The following MMD variants were observed in gnomAD, a reference collection of about 807,000 sequenced individuals.
MMD encodes the protein monocyte to macrophage differentiation associated, also known as monocyte to macrophage differentiation factor.
In MMD, 22 loss-of-function variants were observed where a neutral mutation model predicts 33.6. That is an observed-to-expected ratio of 0.66 (90% CI 0.47 to 0.94). The LOEUF (loss-of-function observed/expected upper bound fraction) is 0.94, where lower values mean the gene tolerates loss of function less well. Among genes scored for constraint, MMD ranks in the 40% least tolerant of loss-of-function variants. The probability of loss-of-function intolerance (pLI) is 0.00; values close to 1 mark genes in which losing one functional copy is unlikely to be tolerated. For missense variants in MMD, 242 were observed against 309.8 expected (o/e 0.78, Z 1.64); for synonymous variants, 97 against 103.2 (o/e 0.94, Z 0.36).
chr17:55,402,043 C>T (rs1356402328), intron 5 of MMD, among the ~76,000 whole-genome samples: 1 of 144,876 alleles, frequency 6.9e-6, no homozygotes, highest in Non-Finnish European at 1.5e-5. Context: ...GAGATCGCAC[C>T]ACTGCACTCC....
At chr17:55,411,226 A>G (rs1456625810) in intron 3 of MMD, 31 bp downstream of exon 3, 3 of 1,595,372 alleles carry the variant, frequency 1.9e-6, no homozygotes, top group African/African-American at 2.7e-5. Context: ...AACTATTTGG[A>G]TCTGTTGAAA....
In MMD at chr17:55,408,869, C is replaced by T. The variant is rs752794831; in HGVS notation, c.270-1049G>A. Among the ~76,000 whole-genome samples, 7 of 152,116 alleles carry T rather than the reference C, an allele frequency of 4.6e-5. No homozygotes were observed. In the East Asian group the frequency reaches 1.2e-3, roughly 25 times the overall value. On this transcript the variant is annotated intron_variant, in intron 3 of 6. Transcript: ENST00000262065. ...TACAAAAATTAGCCAGGTGTGGTGGCGCACGCCTGTAGTCCAAGCTACTCG... is the reference window on the plus strand; with the variant it reads ...TACAAAAATTAGCCAGGTGTGGTGGTGCACGCCTGTAGTCCAAGCTACTCG...
intron 1 of MMD, among the ~76,000 whole-genome samples, chr17:55,418,498 C>T (rs1003519551): frequency 2.0e-5 from 3 of 152,218 alleles, no homozygotes; most frequent in East Asian, 3.8e-4. Context: ...ACCAAGAGAA[C>T]CCCGAATCTC....
Position 55,407,832 on chromosome 17 carries a change from GA to G in MMD, c.270-13del, listed in dbSNP as rs375194345. 101 of 1,531,380 alleles carry G rather than the reference GA, an allele frequency of 6.6e-5. No homozygotes were observed. The highest frequency in any genetic ancestry group is 3.1e-4 in the African/African-American group (22 of 70,318). The allele number at this position is 1,531,380 out of a possible 1,614,324, so 94.9% of individuals were successfully genotyped here. A position where few individuals can be genotyped will look rare whatever the true frequency, so the allele number is the denominator to read the frequency against. On this transcript the variant is annotated splice_polypyrimidine_tract_variant and intron_variant, in intron 3 of 6. Coordinates refer to ENST00000262065, the MANE Select transcript of MMD (RefSeq NM_012329.3). ...AATGCTCCACTGTCCTAGCGAGGGG[GA>G]AAAAAAAGTAAATTTGTCAGAAAGT...
In MMD at chr17:55,393,076, CAA is replaced by C. The variant is rs1030207672; in HGVS notation, c.*1256_*1257del. ...CCTATTTCATTTATTAAAACACCAA[CAA>C]GAGAGATTAATCAACAAAGCAACTA... On this transcript the variant is annotated 3_prime_UTR_variant, in exon 7 of 7. Coordinates refer to ENST00000262065, the MANE Select transcript of MMD (RefSeq NM_012329.3). 1.3e-5 allele frequency: 2 copies of C among 151,978 alleles called. No homozygotes were observed. Among genetic ancestry groups the C allele is most frequent in the Admixed American group, 6.6e-5 (1 of 15,252 alleles). The allele number at this position is 151,978 out of a possible 1,614,324, so 9.4% of individuals were successfully genotyped here.
chr17:55,396,844 T>C (rs568656000), intron 6 of MMD, among the ~76,000 whole-genome samples: 10 of 152,210 alleles, frequency 6.6e-5, no homozygotes, highest in Non-Finnish European at 1.0e-4. Context: ...CTCGAACTCC[T>C]GACCTCGTGA....
rs111521494 is a variant in MMD at position 55,395,880 on chromosome 17, G to C, written c.517-1346C>G. 6.3e-4 allele frequency among the ~76,000 whole-genome samples: 96 copies of C among 152,274 alleles called. 1 individual carries two copies. Among genetic ancestry groups the C allele is most frequent in the Middle Eastern group, 3.4e-3 (1 of 294 alleles). ...ATTAGGAGCCCTCTTCTAGGATAGG[G>C]GTAAGGCTCTCATCAGATTCGCAAA... On this transcript the variant is annotated intron_variant, in intron 6 of 6. Coordinates refer to ENST00000262065, the MANE Select transcript of MMD (RefSeq NM_012329.3).
chr17:55,408,750 C>T (rs995780723), intron 3 of MMD, among the ~76,000 whole-genome samples: 7 of 152,212 alleles, frequency 4.6e-5, no homozygotes, highest in African/African-American at 1.7e-4. Context: ...GCAATAATCA[C>T]AGCACTTTGG....
At chr17:55,406,605 G>A (rs895762788) in intron 4 of MMD, among the ~76,000 whole-genome samples, 4 of 152,040 alleles carry the variant, frequency 2.6e-5, no homozygotes, top group South Asian at 4.1e-4. Context: ...AAATGGCCAA[G>A]CATGGTGGCT....
chr17:55,403,973 G>A, intron 4 of MMD, 105 bp from the exon 5 acceptor site: 1 of 875,766 alleles, frequency 1.1e-6, no homozygotes, highest in Non-Finnish European at 1.8e-6. Context: ...AGAGCAGGAA[G>A]AAAACACACT....
At chr17:55,395,200 A>T (rs1567844758) in intron 6 of MMD, among the ~76,000 whole-genome samples, 1 of 152,226 alleles carries the variant, frequency 6.6e-6, no homozygotes, top group Non-Finnish European at 1.5e-5. Flanking sequence ...TGTGTGTCTT[A>T]GGGCAGAAGG....
At chr17:55,399,528 T>G (rs1907247142) in intron 6 of MMD, among the ~76,000 whole-genome samples, 1 of 152,202 alleles carries the variant, frequency 6.6e-6, no homozygotes, top group Admixed American at 6.5e-5. Flanking sequence ...CTATTTTCAT[T>G]TCTCCAAAGA....
intron 1 of MMD, among the ~76,000 whole-genome samples, chr17:55,418,651 T>C (rs1908062715): frequency 6.6e-6 from 1 of 152,226 alleles, no homozygotes. Flanking sequence ...AGGAAAAGTG[T>C]CTACTGTCAA....
chr17:55,394,442 A>T lies in MMD; in HGVS notation c.609T>A (p.Phe203Leu), dbSNP rs762193716. 6.5e-7 allele frequency: 1 copy of T among 1,537,646 alleles called. No individual in the cohort carries two copies. Among genetic ancestry groups the T allele is most frequent in the Non-Finnish European group, 8.7e-7 (1 of 1,147,622 alleles). The change falls in exon 7 of 7, where the codon TTT becomes TTA. Residue 203 changes from phenylalanine (F) to leucine (L), a missense_variant. Phe to Leu is a conservative substitution (Grantham distance 22). Transcript: ENST00000262065. Reference protein sequence around the residue: ...VFFKSDGIIPFAHAIWHLFVA... With the variant: ...VFFKSDGIIPLAHAIWHLFVA... ...CAAACAGGTGCCAGATGGCGTGGGC[A>T]AATGGAATGATGCCATCACTCTTGA...
intron 6 of MMD, among the ~76,000 whole-genome samples, chr17:55,396,140 T>C (rs559024780): frequency 2.6e-5 from 4 of 152,184 alleles, no homozygotes; most frequent in Non-Finnish European, 4.4e-5. Flanking sequence ...AGATACCACA[T>C]TTACCTCAAC....
intron 1 of MMD, among the ~76,000 whole-genome samples, chr17:55,419,785 G>A (rs940713563): frequency 2.6e-5 from 4 of 152,098 alleles, no homozygotes; most frequent in Non-Finnish European, 5.9e-5. Context: ...GAAAATCAGG[G>A]TAGATCTAGA....
chr17:55,411,235 A>T (rs1693171020), intron 3 of MMD, 22 bp downstream of exon 3: 1 of 1,603,578 alleles, frequency 6.2e-7, no homozygotes, highest in African/African-American at 1.3e-5. Context: ...GATCTGTTGA[A>T]ACAGCATGTC....
At chr17:55,398,824 C>T (rs1214786259) in intron 6 of MMD, among the ~76,000 whole-genome samples, 3 of 152,180 alleles carry the variant, frequency 2.0e-5, no homozygotes, top group Non-Finnish European at 2.9e-5. Context: ...CCAGCACCAT[C>T]TCTGAACTCT....
intron 6 of MMD, among the ~76,000 whole-genome samples, chr17:55,396,922 G>C (rs1342886712): frequency 1.3e-5 from 2 of 151,964 alleles, no homozygotes; most frequent in Admixed American, 1.3e-4. Flanking sequence ...GCCAGTGGTG[G>C]TTATTCTACG....
Sources: allele counts gnomAD v4.1 joint callset (sites outside exome capture counted in the v4.1 genomes callset), GRCh38; gene constraint gnomAD v4.1.1; transcripts MANE v1.5; gene names NCBI Gene and HGNC (gene_info 2026-07-23, HGNC 2026-07-21).